TNRC6B: variants seen among roughly 807,000 people sequenced by gnomAD.
TNRC6B encodes the protein trinucleotide repeat-containing gene 6B protein.
In TNRC6B, 52 loss-of-function variants were observed where a neutral mutation model predicts 203.6. That is an observed-to-expected ratio of 0.26 (90% CI 0.20 to 0.32). The LOEUF is 0.32. Ranked by LOEUF, TNRC6B falls within the 10% of genes least tolerant of loss-of-function variation. The pLI is 1.00. For missense variants in TNRC6B, 1,923 were observed against 2,286.2 expected (o/e 0.84, Z 3.24); for synonymous variants, 838 against 845.7 (o/e 0.99, Z 0.16).
chr22:40,320,383 G>A (rs1335928810), intron 21 of TNRC6B, among the ~76,000 whole-genome samples: 1 of 152,196 alleles, frequency 6.6e-6, no homozygotes, highest in African/African-American at 2.4e-5. Context: ...AGGATGCTGA[G>A]GCAGGAGAAT....
chr22:40,319,431 T>C (rs981791929), intron 21 of TNRC6B, among the ~76,000 whole-genome samples: 6 of 150,018 alleles, frequency 4.0e-5, no homozygotes, highest in African/African-American at 1.5e-4. Flanking sequence ...TCTTTTTTTT[T>C]TTTTTTTTTT....
At chr22:40,101,336 G>C (rs1002615967) in intron 1 of TNRC6B, among the ~76,000 whole-genome samples, 11 of 152,102 alleles carry the variant, frequency 7.2e-5, no homozygotes, top group African/African-American at 2.7e-4. Flanking sequence ...ACCTATGTCA[G>C]AATCACCCCG....
chr22:40,314,912 C>G (rs1168494125), intron 19 of TNRC6B, among the ~76,000 whole-genome samples: 1 of 152,080 alleles, frequency 6.6e-6, no homozygotes, highest in Middle Eastern at 3.2e-3. Flanking sequence ...TTATAGAATA[C>G]TTTATTCTGC....
At chr22:40,224,635 T>G (rs1040677649) in intron 1 of TNRC6B, among the ~76,000 whole-genome samples, 17 of 152,224 alleles carry the variant, frequency 1.1e-4, no homozygotes, top group African/African-American at 3.9e-4. Flanking sequence ...AGAAAGTCTT[T>G]GTTCGTTCTG....
intron 5 of TNRC6B, among the ~76,000 whole-genome samples, chr22:40,268,351 G>A (rs909652914): frequency 6.6e-6 from 1 of 152,170 alleles, no homozygotes; most frequent in African/African-American, 2.4e-5. Context: ...CTACCAAAGT[G>A]CTGGGATTAC....
chr22:40,311,247 A>G (rs774501994), intron 17 of TNRC6B, among the ~76,000 whole-genome samples: 6 of 152,156 alleles, frequency 3.9e-5, no homozygotes, highest in Non-Finnish European at 7.3e-5. Flanking sequence ...GCCTTGTAAC[A>G]TGGGTTCTTT....
intron 3 of TNRC6B, among the ~76,000 whole-genome samples, chr22:40,254,099 G>T (rs1279796524): frequency 6.6e-6 from 1 of 152,130 alleles, no homozygotes; most frequent in East Asian, 1.9e-4. Flanking sequence ...GAGGAATAGG[G>T]TAGAGATTTC....
chr22:40,287,158 C>T (rs574867414), intron 12 of TNRC6B, among the ~76,000 whole-genome samples: 4 of 152,046 alleles, frequency 2.6e-5, no homozygotes, highest in African/African-American at 9.7e-5. Context: ...TACAGATGCA[C>T]ACCACCAAGC....
intron 12 of TNRC6B, among the ~76,000 whole-genome samples, chr22:40,296,493 G>A (rs894670667): frequency 9.2e-5 from 14 of 151,406 alleles, no homozygotes; most frequent in Admixed American, 2.0e-4. Context: ...CATCACTCCC[G>A]GCTAATTTTT....
chr22:40,322,500 C>T (rs188624637), intron 22 of TNRC6B, among the ~76,000 whole-genome samples: 4 of 152,224 alleles, frequency 2.6e-5, no homozygotes, highest in African/African-American at 7.2e-5. Context: ...CTTAGCCCCC[C>T]ACAGACACAC....
At chr22:40,229,375 A>C (rs28421548) in intron 1 of TNRC6B, among the ~76,000 whole-genome samples, 1 of 151,988 alleles carries the variant, frequency 6.6e-6, no homozygotes, top group East Asian at 1.9e-4. Context: ...AAGGGATCTC[A>C]CTTACGGGGC....
At chr22:40,089,474 C>T (rs1025662846) in intron 1 of TNRC6B, among the ~76,000 whole-genome samples, 1 of 152,092 alleles carries the variant, frequency 6.6e-6, no homozygotes, top group African/African-American at 2.4e-5. Flanking sequence ...CTCAAATAAT[C>T]CACCCGCCTC....
At position 40,300,939 on chromosome 22, in the gene TNRC6B, ACAG is replaced by A. The variant is rs759966851; in HGVS notation, c.3877_3879del (p.Gln1293del). On this transcript the variant is annotated inframe_deletion, in exon 14 of 23. Coordinates refer to ENST00000454349, the MANE Select transcript of TNRC6B (RefSeq NM_001162501.2). ...GTCAGCTTCTCTTGCAGCAGCAGCA[ACAG>A]CAGCAGTTGTTACAGAACCAGAGAA... 6.2e-7 allele frequency: 1 copy of A among 1,613,628 alleles called. No individual in the cohort carries two copies. Among genetic ancestry groups the A allele is most frequent in the Admixed American group, 1.7e-5 (1 of 59,988 alleles).
intron 1 of TNRC6B, among the ~76,000 whole-genome samples, chr22:40,082,445 A>G (rs1192348607): frequency 2.0e-5 from 3 of 152,196 alleles, no homozygotes; most frequent in Non-Finnish European, 1.5e-5. Context: ...CTGGGGCTGT[A>G]TTAGAGTGAG....
chr22:40,278,474 C>T (rs888290564), intron 9 of TNRC6B, among the ~76,000 whole-genome samples: 5 of 150,314 alleles, frequency 3.3e-5, no homozygotes, highest in Non-Finnish European at 5.9e-5. Context: ...AGGAGAATGG[C>T]GTGAACCCAG....
intron 12 of TNRC6B, among the ~76,000 whole-genome samples, chr22:40,290,206 G>C (rs2070851234): frequency 6.6e-6 from 1 of 152,204 alleles, no homozygotes; most frequent in African/African-American, 2.4e-5. Context: ...GTGGCCGCTG[G>C]ACTGGAAGCA....
intron 1 of TNRC6B, among the ~76,000 whole-genome samples, chr22:40,071,239 C>T (rs1275589677): frequency 6.6e-6 from 1 of 152,154 alleles, no homozygotes; most frequent in Non-Finnish European, 1.5e-5. Context: ...GCCACTGTCC[C>T]CTGATACCTC....
intron 1 of TNRC6B, among the ~76,000 whole-genome samples, chr22:40,078,956 C>T (rs2068043248): frequency 6.6e-6 from 1 of 151,888 alleles, no homozygotes; most frequent in African/African-American, 2.4e-5. Flanking sequence ...AGCCTATAAT[C>T]TCAGCTACTT....
intron 7 of TNRC6B, among the ~76,000 whole-genome samples, chr22:40,274,742 A>T (rs768585641): frequency 2.0e-5 from 3 of 152,122 alleles, no homozygotes; most frequent in African/African-American, 7.2e-5. Flanking sequence ...TGATTTCTCT[A>T]CATCATGTAC....
Sources: allele counts gnomAD v4.1 joint callset (sites outside exome capture counted in the v4.1 genomes callset), GRCh38; gene constraint gnomAD v4.1.1; transcripts MANE v1.5; gene names NCBI Gene and HGNC (gene_info 2026-07-23, HGNC 2026-07-21).